The following NEBL variants were observed in gnomAD, a reference collection of about 807,000 sequenced individuals.
The protein encoded by NEBL is nebulette.
Under a neutral mutation model 140.2 loss-of-function variants are expected in NEBL, and 122 were observed. That is an observed-to-expected ratio of 0.87 (90% CI 0.75 to 1.01). The LOEUF (loss-of-function observed/expected upper bound fraction) is 1.01, where lower values mean the gene tolerates loss of function less well. Among genes scored for constraint, NEBL ranks in the 50% least tolerant of loss-of-function variants. The pLI is 0.00. For synonymous variants in NEBL, 436 were observed against 398.9 expected (o/e 1.09, Z -1.11); for missense variants, 1,365 against 1,231.3 (o/e 1.11, Z -1.62).
intron 3 of NEBL, among the ~76,000 whole-genome samples, chr10:20,995,204 G>A (rs1463424084): frequency 6.6e-6 from 1 of 152,176 alleles, no homozygotes; most frequent in Non-Finnish European, 1.5e-5. Context: ...GAAATGTACA[G>A]CACCCCCCAG....
intron 2 of NEBL, among the ~76,000 whole-genome samples, chr10:21,072,618 G>A (rs918574058): frequency 2.0e-5 from 3 of 152,210 alleles, no homozygotes; most frequent in Admixed American, 6.5e-5. Flanking sequence ...TATGCCCAGG[G>A]GGATCCAGGC....
At chr10:21,114,320 T>G (rs555222175) in intron 2 of NEBL, among the ~76,000 whole-genome samples, 1 of 152,204 alleles carries the variant, frequency 6.6e-6, no homozygotes, top group South Asian at 2.1e-4. Context: ...TTAAATTGAT[T>G]AAGATTTGTT....
chr10:21,151,400 C>T (rs1260638621), intron 2 of NEBL, among the ~76,000 whole-genome samples: 1 of 152,152 alleles, frequency 6.6e-6, no homozygotes, highest in Non-Finnish European at 1.5e-5. Flanking sequence ...TTGTTTACAC[C>T]CAATGGGATA....
rs373123500 is a variant in NEBL, at chr10:21,266,842, A to T, written n.183-15014T>A. 5.9e-5 allele frequency among the ~76,000 whole-genome samples: 9 copies of T among 152,230 alleles called. No individual in the cohort carries two copies. In the East Asian group the frequency reaches 9.7e-4, roughly 16 times the overall value. On this transcript the variant is annotated intron_variant and non_coding_transcript_variant, in intron 1 of 8. Coordinates refer to the NEBL transcript ENST00000675702. The stretch of plus-strand genomic sequence containing the variant: ...ACTCAGGCTGGAGTGCAGTGGCATG[A>T]TCTCAGCTTACTGCAACCTCTGCCT...
At chr10:20,789,344 T>C (rs1004773881) in intron 26 of NEBL, among the ~76,000 whole-genome samples, 1 of 152,238 alleles carries the variant, frequency 6.6e-6, no homozygotes, top group Non-Finnish European at 1.5e-5. Flanking sequence ...AACTTTAAGT[T>C]TTAATGTGTA....
chr10:21,005,785 T>A (rs1838113570), intron 3 of NEBL, among the ~76,000 whole-genome samples: 1 of 151,736 alleles, frequency 6.6e-6, no homozygotes, highest in South Asian at 2.1e-4. Context: ...TTTTTACATC[T>A]ACCCACCCAT....
At chr10:21,017,709 C>T (rs763630842) in intron 3 of NEBL, among the ~76,000 whole-genome samples, 3 of 152,070 alleles carry the variant, frequency 2.0e-5, no homozygotes, top group Admixed American at 6.6e-5. Context: ...GGTGTGCCTT[C>T]GAAAGGGAGG....
At chr10:20,807,078 C>T (rs534612931) in intron 26 of NEBL, among the ~76,000 whole-genome samples, 121 of 152,288 alleles carry the variant, frequency 7.9e-4, no homozygotes, top group African/African-American at 2.8e-3. Flanking sequence ...CTGATCCCCG[C>T]ACTTGGGAGG....
rs765160850 is a variant in NEBL, at chr10:20,809,824, T to C, written c.2593A>G (p.Ser865Gly). The change falls in exon 25 of 28, where the codon AGT becomes GGT. Residue 865 changes from serine to glycine, a missense_variant. Around this residue, in one of 2 missense-constraint regions of NEBL, gnomAD observed 1,323 missense variants for 1,154.8 expected, o/e 1.15. Coordinates refer to ENST00000377122, the MANE Select transcript of NEBL (RefSeq NM_006393.3). ...GTAATACCAGAGAGCATATGGAGAC[T>C]TCTAGACTGAATATTGTCTTCCAGG... ...DPLEDNIQSR[S>G]LHMLSEKASH... is the part of the protein sequence containing the mutation. 6.2e-7 allele frequency: 1 copy of C among 1,612,368 alleles called. No homozygotes were observed. Among genetic ancestry groups the C allele is most frequent in the Non-Finnish European group, 8.5e-7 (1 of 1,178,532 alleles).
chr10:20,909,326 C>G (rs1467354946), intron 4 of NEBL, among the ~76,000 whole-genome samples: 1 of 151,800 alleles, frequency 6.6e-6, no homozygotes, highest in Non-Finnish European at 1.5e-5. Flanking sequence ...TGGTAACCAT[C>G]CTTCTACTCT....
At chr10:20,912,304 A>T (rs1848361808) in intron 4 of NEBL, among the ~76,000 whole-genome samples, 2 of 152,206 alleles carry the variant, frequency 1.3e-5, no homozygotes. Flanking sequence ...AAAATGCATT[A>T]GCTGGGTGTG....
At chr10:20,827,137 G>T (rs912116056) in intron 17 of NEBL, among the ~76,000 whole-genome samples, 2 of 152,058 alleles carry the variant, frequency 1.3e-5, no homozygotes, top group Admixed American at 6.6e-5. Flanking sequence ...GAGTATTTAT[G>T]AGTGCCCTCG....
intron 2 of NEBL, among the ~76,000 whole-genome samples, chr10:21,034,168 A>AAT (rs1491335731): frequency 8.7e-6 from 1 of 115,200 alleles, no homozygotes; most frequent in African/African-American, 4.9e-5. Flanking sequence ...CCCTATCTCG[A>AAT]AAAAAAAAAA....
chr10:21,146,282 C>T, intron 2 of NEBL: 1 of 1,355,554 alleles, frequency 7.4e-7, no homozygotes, highest in Non-Finnish European at 1.0e-6. Context: ...TTTACATCAC[C>T]ACGTGGCCCT....
intron 5 of NEBL, among the ~76,000 whole-genome samples, chr10:20,873,311 G>A (rs2131267858): frequency 6.6e-6 from 1 of 152,258 alleles, no homozygotes; most frequent in Non-Finnish European, 1.5e-5. Flanking sequence ...ACAATGTGGT[G>A]CTCTATAAAT....
At chr10:21,097,551 A>G (rs753603131) in intron 2 of NEBL, among the ~76,000 whole-genome samples, 4 of 152,220 alleles carry the variant, frequency 2.6e-5, no homozygotes, top group African/African-American at 2.4e-5. Flanking sequence ...AGCATGGCTT[A>G]AATGAGTCAT....
intron 3 of NEBL, among the ~76,000 whole-genome samples, chr10:21,205,114 A>G (rs1184949746): frequency 6.6e-6 from 1 of 152,228 alleles, no homozygotes; most frequent in African/African-American, 2.4e-5. Flanking sequence ...AGAATTTATC[A>G]GTGTTATCTG....
intron 2 of NEBL, among the ~76,000 whole-genome samples, chr10:21,078,725 C>A (rs981522288): frequency 6.6e-6 from 1 of 152,204 alleles, no homozygotes; most frequent in African/African-American, 2.4e-5. Context: ...TCTACAAGAT[C>A]ATTCTCTCTA....
At chr10:21,030,653 T>C (rs1833740100) in intron 2 of NEBL, 2 of 519,464 alleles carry the variant, frequency 3.9e-6, no homozygotes, top group Admixed American at 2.4e-5. Context: ...GAAAATAAAG[T>C]AGGTGTGGTG....
Sources: gnomAD v4.1 joint callset for allele counts (sites outside exome capture counted in the v4.1 genomes callset) on GRCh38, gnomAD v4.1.1 for gene constraint, gnomAD v4.1.1 regional missense constraint, MANE v1.5 for transcripts, NCBI Gene and HGNC (gene_info 2026-07-23, HGNC 2026-07-21) for gene names.